The following ARHGAP25 variants were observed in gnomAD, a reference collection of about 807,000 sequenced individuals.
ARHGAP25 encodes the protein rho GTPase-activating protein 25.
ARHGAP25 carries 34 observed loss-of-function variants against 71.0 expected under a neutral mutation model. That is an observed-to-expected ratio of 0.48 (90% CI 0.36 to 0.64). ARHGAP25 has a LOEUF of 0.64. ARHGAP25 is among the 30% of genes least tolerant of loss of function. The pLI is 0.00. For synonymous variants in ARHGAP25, 282 were observed against 296.5 expected, an observed-to-expected ratio of 0.95 and a Z score of 0.50; for missense variants, 706 against 805.1, an observed-to-expected ratio of 0.88 and a Z score of 1.49.
intron 4 of ARHGAP25, 23 bp from the exon 5 acceptor site, chr2:68,807,250 G>C (rs938138315): frequency 5.0e-6 from 8 of 1,612,696 alleles, no homozygotes; most frequent in Non-Finnish European, 6.8e-6. Context: ...ATGACGGGCA[G>C]GTTCTGTTTG....
chr2:68,734,186 T>C (rs1675101869), upstream of ARHGAP25, among the ~76,000 whole-genome samples: 1 of 152,242 alleles, frequency 6.6e-6, no homozygotes, highest in Admixed American at 6.5e-5. Flanking sequence ...GTTGTGGTTA[T>C]TATCAACCCC....
intron 2 of ARHGAP25, among the ~76,000 whole-genome samples, chr2:68,779,291 A>C (rs1678145412): frequency 6.6e-6 from 1 of 152,212 alleles, no homozygotes; most frequent in Admixed American, 6.5e-5. Flanking sequence ...CTCAGAGTTG[A>C]GAAGAGACAT....
intron 1 of ARHGAP25, among the ~76,000 whole-genome samples, chr2:68,772,598 T>C (rs1166996420): frequency 1.3e-5 from 2 of 152,266 alleles, no homozygotes; most frequent in Non-Finnish European, 2.9e-5. Context: ...CTGCCCTCTT[T>C]CTAGGACAGA....
At chr2:68,714,699 G>A (rs1674570418) in intron 2 of ARHGAP25, among the ~76,000 whole-genome samples, 1 of 151,974 alleles carries the variant, frequency 6.6e-6, no homozygotes, top group Non-Finnish European at 1.5e-5. Flanking sequence ...GTTCTCTTTG[G>A]TTTCAAATAC....
intron 1 of ARHGAP25, among the ~76,000 whole-genome samples, chr2:68,772,876 TC>T (rs1405444961): frequency 2.0e-5 from 3 of 152,228 alleles, no homozygotes; most frequent in African/African-American, 7.2e-5. Flanking sequence ...ATAAAGCAAA[TC>T]CTTTGTAAGC....
Position 68,796,483 on chromosome 2 carries a change from C to A in ARHGAP25, c.466+8527C>A, listed in dbSNP as rs560345988. ...TCACTTCCTCTTATTTTTGAATTTA[C>A]ATTCATTATGGGGTGGGGACATTTT... On this transcript the variant is annotated intron_variant, in intron 4 of 10. Coordinates refer to ENST00000409202, the MANE Select transcript of ARHGAP25 (RefSeq NM_001007231.3). 2.0e-5 allele frequency among the ~76,000 whole-genome samples: 3 copies of A among 152,238 alleles called. No individual in the cohort carries two copies. The East Asian group carries it at 5.8e-4, about 29-fold the overall frequency.
At chr2:68,817,849 A>G (rs1681345786) in intron 7 of ARHGAP25, 24 bp from the exon 8 acceptor site, 1 of 1,612,890 alleles carries the variant, frequency 6.2e-7, no homozygotes, top group South Asian at 1.1e-5. Flanking sequence ...GCTTTCTACC[A>G]TGGGATTTCT....
At chr2:68,825,045 G>A (rs1434290313) in intron 10 of ARHGAP25, among the ~76,000 whole-genome samples, 2 of 152,178 alleles carry the variant, frequency 1.3e-5, no homozygotes, top group African/African-American at 2.4e-5. Flanking sequence ...CCTGGCAGGG[G>A]GCCACCTGGC....
chr2:68,739,115 G>T (rs931447641), intron 1 of ARHGAP25, among the ~76,000 whole-genome samples: 1 of 152,178 alleles, frequency 6.6e-6, no homozygotes, highest in African/African-American at 2.4e-5. Flanking sequence ...AGCAGAGTGG[G>T]GACCAACCTA....
rs996054166 is a variant in ARHGAP25 at position 68,758,123 on chromosome 2, C to T, written c.62-17098C>T. Among the ~76,000 whole-genome samples, 9 of 151,656 alleles carry T rather than the reference C, an allele frequency of 5.9e-5. No individual in the cohort carries two copies. The South Asian group carries it at 6.2e-4, about 10-fold the overall frequency. ...TAAATAATATAGACGTACACAAACA[C>T]GAAGGAAGAAAGTTAAATCTTTCAC... On this transcript the variant is annotated intron_variant, in intron 1 of 10. Coordinates refer to ENST00000409202, the MANE Select transcript of ARHGAP25 (RefSeq NM_001007231.3).
intron 5 of ARHGAP25, among the ~76,000 whole-genome samples, chr2:68,812,749 G>T (rs1164801676): frequency 2.6e-5 from 4 of 152,258 alleles, no homozygotes; most frequent in African/African-American, 9.6e-5. Context: ...CCCTTGGATT[G>T]GCTACTGAAA....
chr2:68,801,563 T>C (rs1679966730), intron 4 of ARHGAP25, among the ~76,000 whole-genome samples: 2 of 152,190 alleles, frequency 1.3e-5, no homozygotes, highest in South Asian at 2.1e-4. Context: ...TTGACAAGAA[T>C]AGGTTTGGGG....
rs115816330 is a variant in ARHGAP25 at position 68,793,866 on chromosome 2, G to A, written c.466+5910G>A. Among the ~76,000 whole-genome samples the A allele has an allele frequency of 5.3e-3, 805 of 152,160 alleles. 1 individual carries two copies. The highest frequency in any genetic ancestry group is 9.3e-3 in the Non-Finnish European group (632 of 67,966). ...TTGAATCTGTAGATTGCTTTGGGTA[G>A]TATGATTATTTTAATGATAATGATT... On this transcript the variant is annotated intron_variant, in intron 4 of 10. Transcript: ENST00000409202.
intron 2 of ARHGAP25, among the ~76,000 whole-genome samples, chr2:68,776,491 T>C (rs1271412048): frequency 1.3e-5 from 2 of 151,950 alleles, no homozygotes; most frequent in Admixed American, 6.5e-5. Flanking sequence ...TGGAGGAAAA[T>C]GGTCAGCTTC....
intron 1 of ARHGAP25, among the ~76,000 whole-genome samples, chr2:68,746,508 C>G (rs998380623): frequency 2.6e-5 from 4 of 152,120 alleles, no homozygotes; most frequent in Non-Finnish European, 4.4e-5. Flanking sequence ...CGCAGATGGC[C>G]AGGAGCTGCA....
At chr2:68,754,465 A>G (rs4362592) in intron 1 of ARHGAP25, among the ~76,000 whole-genome samples, 137,653 of 152,290 alleles carry the variant, frequency 0.9, 62,356 homozygotes, top group African/African-American at 0.92. Context: ...ATTCTATTGT[A>G]TGAATGTATC....
At chr2:68,785,527 G>T (rs896495576) in intron 3 of ARHGAP25, among the ~76,000 whole-genome samples, 5 of 152,166 alleles carry the variant, frequency 3.3e-5, no homozygotes, top group Admixed American at 2.0e-4. Context: ...TGTGCATGTA[G>T]CAAGCAAGTT....
chr2:68,746,744 C>T (rs1172624546), intron 1 of ARHGAP25, among the ~76,000 whole-genome samples: 4 of 151,716 alleles, frequency 2.6e-5, no homozygotes, highest in South Asian at 2.1e-4. Flanking sequence ...CGGTGGCTCA[C>T]GCTTGTAATC....
intron 2 of ARHGAP25, among the ~76,000 whole-genome samples, chr2:68,778,496 A>G (rs939473482): frequency 6.6e-6 from 1 of 152,218 alleles, no homozygotes; most frequent in Non-Finnish European, 1.5e-5. Flanking sequence ...TTTATAATTG[A>G]AGTGTAATCA....
Sources: gnomAD v4.1 joint callset for allele counts (sites outside exome capture counted in the v4.1 genomes callset) on GRCh38, gnomAD v4.1.1 for gene constraint, MANE v1.5 for transcripts, NCBI Gene and HGNC (gene_info 2026-07-23, HGNC 2026-07-21) for gene names.